The following OTUD7A variants were observed in gnomAD, a reference collection of about 807,000 sequenced individuals.
The protein encoded by OTUD7A is OTU deubiquitinase 7A.
OTUD7A carries 12 observed loss-of-function variants against 65.7 expected under a neutral mutation model. The observed-to-expected ratio is 0.18, with a 90% CI of 0.12 to 0.30. The LOEUF (loss-of-function observed/expected upper bound fraction) is 0.30. Among genes scored for constraint, OTUD7A ranks in the 10% least tolerant of loss-of-function variants. The probability of loss-of-function intolerance (pLI) is 1.00; values close to 1 mark genes in which losing one functional copy is unlikely to be tolerated. For synonymous variants in OTUD7A, 641 were observed against 586.3 expected, an observed-to-expected ratio of 1.09 and a Z score of -1.35; for missense variants, 1,148 against 1,304.8, an observed-to-expected ratio of 0.88 and a Z score of 1.85.
chr15:31,729,237 C>T (rs929170379), intron 1 of OTUD7A, among the ~76,000 whole-genome samples: 1 of 152,146 alleles, frequency 6.6e-6, no homozygotes, highest in Non-Finnish European at 1.5e-5. Context: ...GTATTCTCCA[C>T]GTATGGGGGT....
chr15:31,508,499 G>A (rs12440108), intron 8 of OTUD7A, among the ~76,000 whole-genome samples: 18,433 of 152,224 alleles, frequency 0.12, 1,178 homozygotes, highest in Admixed American at 0.18. Flanking sequence ...ACAGGCGCCC[G>A]CCACCACGCT....
In OTUD7A at chr15:31,570,174, C is replaced by T. The variant is rs531451892; in HGVS notation, c.175G>A (p.Ala59Thr). ...LEGKNWDLTA[A>T]LSDYEQLRQV... ...CGGAGCTGCTCATAGTCGCTCAGAG[C>T]GGCTGTCAGGTCCCAGTTTTTGCCT... Residue 59 changes from alanine (A) to threonine (T), a missense_variant, in exon 4 of 13, where the codon GCT becomes ACT. Around this residue, in one of 6 missense-constraint regions of OTUD7A, gnomAD observed 38 missense variants for 85.7 expected, o/e 0.44. Coordinates refer to ENST00000307050, the MANE Select transcript of OTUD7A (RefSeq NM_001382637.1). 2.5e-6 allele frequency: 4 copies of T among 1,614,114 alleles called. No individual in the cohort carries two copies. Among genetic ancestry groups the T allele is most frequent in the Non-Finnish European group, 2.5e-6 (3 of 1,180,018 alleles).
intron 3 of OTUD7A, among the ~76,000 whole-genome samples, chr15:31,593,622 T>C (rs1889817756): frequency 6.6e-6 from 1 of 152,126 alleles, no homozygotes; most frequent in African/African-American, 2.4e-5. Context: ...GGAGGCCACC[T>C]CTGGCTCATG....
chr15:31,791,983 C>T (rs1352069957), intron 1 of OTUD7A, among the ~76,000 whole-genome samples: 4 of 152,190 alleles, frequency 2.6e-5, no homozygotes. Context: ...ACTTCACATG[C>T]CTACTCACTG....
chr15:31,692,734 C>T (rs1212092225), intron 1 of OTUD7A, among the ~76,000 whole-genome samples: 4 of 151,206 alleles, frequency 2.6e-5, no homozygotes, highest in Non-Finnish European at 2.9e-5. Flanking sequence ...CCTGGCTCCA[C>T]TCAAGACCCA....
chr15:31,861,907 TC>T (rs1419283369), intron 1 of OTUD7A, among the ~76,000 whole-genome samples: 2 of 152,210 alleles, frequency 1.3e-5, no homozygotes, highest in African/African-American at 4.8e-5. Flanking sequence ...CACCCCTGTG[TC>T]CTTCACCATG....
At chr15:31,788,207 T>C (rs59943500) in intron 1 of OTUD7A, among the ~76,000 whole-genome samples, 33,846 of 152,168 alleles carry the variant, frequency 0.22, 3,977 homozygotes, top group Admixed American at 0.29. Context: ...AAATCAGCCT[T>C]GTAGACACTA....
intron 3 of OTUD7A, among the ~76,000 whole-genome samples, chr15:31,614,964 C>T (rs542549789): frequency 1.5e-4 from 23 of 152,196 alleles, no homozygotes; most frequent in African/African-American, 4.3e-4. Context: ...GGATGTATAT[C>T]GTAACCTCTA....
intron 1 of OTUD7A, among the ~76,000 whole-genome samples, chr15:31,724,637 C>T (rs945586076): frequency 2.6e-5 from 4 of 152,182 alleles, no homozygotes; most frequent in African/African-American, 9.7e-5. Flanking sequence ...TACATAGAAG[C>T]TGAGCCATGC....
At chr15:31,867,341 T>G (rs1897903440) in intron 1 of OTUD7A, among the ~76,000 whole-genome samples, 1 of 152,164 alleles carries the variant, frequency 6.6e-6, no homozygotes, top group African/African-American at 2.4e-5. Context: ...CCCATCTCAT[T>G]TAGGCACGTC....
At chr15:31,701,210 G>C (rs1296308407) in intron 1 of OTUD7A, among the ~76,000 whole-genome samples, 1 of 151,552 alleles carries the variant, frequency 6.6e-6, no homozygotes, top group Non-Finnish European at 1.5e-5. Context: ...AGTGAGAAAA[G>C]TAGTGAAATT....
chr15:31,645,899 C>T (rs1369160945), intron 3 of OTUD7A, among the ~76,000 whole-genome samples: 1 of 152,190 alleles, frequency 6.6e-6, no homozygotes, highest in Non-Finnish European at 1.5e-5. Flanking sequence ...ACTCTTCTTT[C>T]TTCCTGGGTC....
chr15:31,629,644 A>C (rs1891079071), intron 3 of OTUD7A, among the ~76,000 whole-genome samples: 1 of 152,078 alleles, frequency 6.6e-6, no homozygotes, highest in East Asian at 1.9e-4. Flanking sequence ...TTTTCTATTG[A>C]TTGGAATAGT....
intron 1 of OTUD7A, among the ~76,000 whole-genome samples, chr15:31,775,651 C>T (rs547127504): frequency 6.6e-6 from 1 of 152,310 alleles, no homozygotes; most frequent in East Asian, 1.9e-4. Flanking sequence ...GTTTTCCCCA[C>T]AGAGGATACT....
At chr15:31,816,534 C>CAA (rs368748974) in intron 1 of OTUD7A, among the ~76,000 whole-genome samples, 2 of 134,452 alleles carry the variant, frequency 1.5e-5, no homozygotes, top group African/African-American at 5.1e-5. Flanking sequence ...ACTAAAAATA[C>CAA]AAAAAAAAAA....
intron 3 of OTUD7A, among the ~76,000 whole-genome samples, chr15:31,590,177 T>A (rs1889676831): frequency 6.6e-6 from 1 of 152,234 alleles, no homozygotes. Flanking sequence ...TTTTCTATGT[T>A]TAGATATACA....
intron 5 of OTUD7A, among the ~76,000 whole-genome samples, chr15:31,548,072 T>C (rs896742177): frequency 6.6e-6 from 1 of 151,822 alleles, no homozygotes; most frequent in Non-Finnish European, 1.5e-5. Context: ...ACGTACCATA[T>C]ACTCCTAAAA....
intron 1 of OTUD7A, among the ~76,000 whole-genome samples, chr15:31,840,138 G>A (rs1011006822): frequency 1.9e-4 from 29 of 152,084 alleles, no homozygotes; most frequent in Non-Finnish European, 2.8e-4. Context: ...TTGAAGCTTA[G>A]GCCAGGCATG....
Position 31,483,671 on chromosome 15 carries a change from G to C in OTUD7A, c.2425C>G (p.Arg809Gly). Residue 809 changes from arginine (R) to glycine (G), a missense_variant, in exon 13 of 13, where the codon CGC becomes GGC. By Grantham distance (125) the Arg-to-Gly change is moderately radical. Coordinates refer to ENST00000307050, the MANE Select transcript of OTUD7A (RefSeq NM_001382637.1). ...RPCATYPQQN[R>G]SLSSQSYSPA... is the part of the protein sequence containing the mutation. The stretch of plus-strand genomic sequence containing the variant: ...CTGTAGCTCTGCGACGACAGCGAGC[G>C]GTTCTGCTGCGGGTACGTGGCGCAC... 1 of 1,162,820 alleles carries C rather than the reference G, an allele frequency of 8.6e-7. No homozygotes were observed. The highest frequency in any genetic ancestry group is 4.0e-5 in the East Asian group (1 of 24,860). The allele number at this position is 1,162,820 out of a possible 1,614,324, so 72.0% of individuals were successfully genotyped here.
Sources: gnomAD v4.1 joint callset for allele counts (sites outside exome capture counted in the v4.1 genomes callset) on GRCh38, gnomAD v4.1.1 for gene constraint, gnomAD v4.1.1 regional missense constraint, MANE v1.5 for transcripts, NCBI Gene and HGNC (gene_info 2026-07-23, HGNC 2026-07-21) for gene names.